DLG2: variants seen among roughly 807,000 people sequenced by gnomAD.
DLG2 encodes discs large MAGUK scaffold protein 2.
Under a neutral mutation model 132.5 loss-of-function variants are expected in DLG2, and 45 were observed. The ratio of observed to expected loss-of-function variants is 0.34; its 90% CI spans 0.27 to 0.44. DLG2 has a LOEUF of 0.44. Ranked by LOEUF, DLG2 falls within the 20% of genes least tolerant of loss-of-function variation. The pLI, the probability that DLG2 is intolerant of heterozygous loss-of-function variation, is 1.00. For synonymous variants in DLG2, 424 were observed against 419.6 expected (o/e 1.01, Z -0.13); for missense variants, 1,045 against 1,196.9 (o/e 0.87, Z 1.87).
At chr11:85,157,429 T>G (rs2077668207) in intron 4 of DLG2, among the ~76,000 whole-genome samples, 1 of 152,190 alleles carries the variant, frequency 6.6e-6, no homozygotes, top group South Asian at 2.1e-4. Flanking sequence ...GTCCTTGGCA[T>G]GAACTGTTTA....
intron 4 of DLG2, among the ~76,000 whole-genome samples, chr11:85,181,588 A>G (rs2079706923): frequency 6.6e-6 from 1 of 151,632 alleles, no homozygotes; most frequent in Non-Finnish European, 1.5e-5. Context: ...CCCTGTCAAC[A>G]CTACCAATAG....
chr11:84,802,962 G>T (rs1367879188), intron 6 of DLG2, among the ~76,000 whole-genome samples: 24 of 151,952 alleles, frequency 1.6e-4, no homozygotes, highest in Admixed American at 1.6e-3. Context: ...ACCACACCTG[G>T]CTAATTTTTT....
At chr11:85,241,793 T>C (rs1392713436) in intron 4 of DLG2, among the ~76,000 whole-genome samples, 1 of 151,978 alleles carries the variant, frequency 6.6e-6, no homozygotes, top group Admixed American at 6.6e-5. Context: ...AGATATGCTA[T>C]GTGGCCAGAT....
chr11:84,147,793 G>C (rs1169085041), intron 9 of DLG2, among the ~76,000 whole-genome samples: 1 of 151,964 alleles, frequency 6.6e-6, no homozygotes, highest in Non-Finnish European at 1.5e-5. Context: ...GCATATATTT[G>C]CCTTTTGATA....
chr11:85,142,034 T>C (rs1198946389), intron 5 of DLG2, among the ~76,000 whole-genome samples: 1 of 151,876 alleles, frequency 6.6e-6, no homozygotes, highest in Non-Finnish European at 1.5e-5. Flanking sequence ...TGGCTTTGGC[T>C]ATCCTGGGTC....
chr11:84,959,743 A>G (rs768299225), intron 6 of DLG2, among the ~76,000 whole-genome samples: 6 of 152,246 alleles, frequency 3.9e-5, no homozygotes, highest in Non-Finnish European at 8.8e-5. Flanking sequence ...TTAATTAGTC[A>G]CAAAGGATCA....
intron 7 of DLG2, among the ~76,000 whole-genome samples, chr11:84,323,097 A>G (rs186169541): frequency 1.3e-5 from 2 of 152,260 alleles, no homozygotes. Flanking sequence ...TAAGTGTCCA[A>G]TATAGTGCTT....
chr11:84,034,221 C>T (rs2095798522), intron 11 of DLG2, among the ~76,000 whole-genome samples: 1 of 152,184 alleles, frequency 6.6e-6, no homozygotes, highest in Non-Finnish European at 1.5e-5. Context: ...GCAATATCTT[C>T]TGCCAGAAAA....
chr11:85,055,499 G>A (rs1390155936), intron 6 of DLG2, among the ~76,000 whole-genome samples: 1 of 152,158 alleles, frequency 6.6e-6, no homozygotes, highest in Non-Finnish European at 1.5e-5. Context: ...CTAAGCAAGA[G>A]ACTGTGAAGC....
At position 84,313,641 on chromosome 11, in the gene DLG2, AAAAGAAAGAAAGAAAGAAAG is replaced by A. The variant is rs201928030; in HGVS notation, c.520-62370_520-62351del. 1.3e-3 allele frequency among the ~76,000 whole-genome samples: 174 copies of A among 129,290 alleles called. 1 individual carries two copies. The highest frequency in any genetic ancestry group is 4.7e-3 in the African/African-American group (158 of 33,278). 84.8% of individuals were successfully genotyped at this position (129,290 alleles called of 152,430 possible). The stretch of plus-strand genomic sequence containing the variant: ...AAAAGAAAAAGAAAGGAAAGAGAGA[AAAAGAAAGAAAGAAAGAAAG>A]AAAGAAAGAAAGAAAGAAAGAAAGA... On this transcript the variant is annotated intron_variant, in intron 7 of 27. Coordinates refer to ENST00000376104, the MANE Select transcript of DLG2 (RefSeq NM_001142699.3).
At chr11:83,896,327 G>A (rs1311333641) in intron 15 of DLG2, among the ~76,000 whole-genome samples, 1 of 152,206 alleles carries the variant, frequency 6.6e-6, no homozygotes, top group Non-Finnish European at 1.5e-5. Flanking sequence ...AATTAGCCAT[G>A]GCAGGACATT....
At chr11:83,588,453 G>C (rs542099148) in intron 19 of DLG2, among the ~76,000 whole-genome samples, 1 of 152,250 alleles carries the variant, frequency 6.6e-6, no homozygotes, top group African/African-American at 2.4e-5. Flanking sequence ...CTAACAAACA[G>C]AAAGGACATC....
intron 11 of DLG2, among the ~76,000 whole-genome samples, chr11:84,013,623 C>T (rs992456246): frequency 6.6e-6 from 1 of 151,944 alleles, no homozygotes; most frequent in Non-Finnish European, 1.5e-5. Flanking sequence ...AATCTCAGCA[C>T]TTTGGGAGGC....
chr11:84,288,723 G>A (rs1306145093), intron 7 of DLG2, among the ~76,000 whole-genome samples: 2 of 152,054 alleles, frequency 1.3e-5, no homozygotes, highest in Non-Finnish European at 2.9e-5. Flanking sequence ...ATACTATGAA[G>A]TCAAGACAGT....
chr11:84,425,791 A>T (rs533589628), intron 7 of DLG2, among the ~76,000 whole-genome samples: 1 of 152,238 alleles, frequency 6.6e-6, no homozygotes, highest in East Asian at 1.9e-4. Context: ...GCCTCTGAAG[A>T]TCTCAAAACT....
chr11:84,274,028 G>A (rs774822457), intron 7 of DLG2, among the ~76,000 whole-genome samples: 5 of 152,062 alleles, frequency 3.3e-5, no homozygotes, highest in Non-Finnish European at 5.9e-5. Flanking sequence ...AAGGAGAATC[G>A]TGTCTTTAAA....
At chr11:85,361,414 C>CAATACTGA (rs2084146679) in intron 3 of DLG2, among the ~76,000 whole-genome samples, 1 of 152,022 alleles carries the variant, frequency 6.6e-6, no homozygotes, top group African/African-American at 2.4e-5. Flanking sequence ...ACCCATCACC[C>CAATACTGA]AATACTGAAC....
At chr11:84,669,713 G>C (rs1201594546) in intron 6 of DLG2, among the ~76,000 whole-genome samples, 1 of 151,864 alleles carries the variant, frequency 6.6e-6, no homozygotes, top group Non-Finnish European at 1.5e-5. Context: ...ACAATATTTT[G>C]ATCAAATGGC....
chr11:83,842,102 A>G (rs77879434), intron 16 of DLG2, among the ~76,000 whole-genome samples: 2,301 of 152,320 alleles, frequency 0.015, 62 homozygotes, highest in African/African-American at 0.052. Context: ...CTTTAAAATT[A>G]TAAAACCTTT....
Sources: gnomAD v4.1 joint callset for allele counts (sites outside exome capture counted in the v4.1 genomes callset) on GRCh38, gnomAD v4.1.1 for gene constraint, MANE v1.5 for transcripts, NCBI Gene and HGNC (gene_info 2026-07-23, HGNC 2026-07-21) for gene names.